Variants in ENTREP2 observed in about 807,000 individuals in gnomAD.
ENTREP2 encodes endosomal transmembrane epsin interactor 2, also known as protein ENTREP2.
chr15:29,333,962 C>T, the ENTREP2 span, among the ~76,000 whole-genome samples: 6 of 151,922 alleles, frequency 3.9e-5, no homozygotes, highest in African/African-American at 1.2e-4. Flanking sequence ...AGGAACGTCA[C>T]GTCACGGATT....
the ENTREP2 span, among the ~76,000 whole-genome samples, chr15:29,362,296 T>C: frequency 6.6e-6 from 1 of 152,024 alleles, no homozygotes; most frequent in Admixed American, 6.6e-5. Flanking sequence ...GAATTCAAGA[T>C]GATGCATTTA....
At chr15:29,532,475 C>G in the ENTREP2 span, among the ~76,000 whole-genome samples, 1 of 152,102 alleles carries the variant, frequency 6.6e-6, no homozygotes, top group Non-Finnish European at 1.5e-5. Context: ...AGACACAAAA[C>G]TGGTGCATCC....
At chr15:29,358,181 T>C in the ENTREP2 span, among the ~76,000 whole-genome samples, 1 of 152,162 alleles carries the variant, frequency 6.6e-6, no homozygotes, top group Non-Finnish European at 1.5e-5. Context: ...ACATGGCCCA[T>C]GCAGCCACTG....
At chr15:29,410,862 T>G in the ENTREP2 span, among the ~76,000 whole-genome samples, 2 of 152,204 alleles carry the variant, frequency 1.3e-5, no homozygotes, top group Admixed American at 1.3e-4. Flanking sequence ...CTCAGCTCAC[T>G]GCAACCTCCG....
chr15:29,226,582 C>T, the ENTREP2 span, among the ~76,000 whole-genome samples: 1 of 152,220 alleles, frequency 6.6e-6, no homozygotes, highest in Admixed American at 6.5e-5. Context: ...GACAGTCCAG[C>T]AGCCCCAGCC....
the ENTREP2 span, among the ~76,000 whole-genome samples, chr15:29,514,596 G>A: frequency 2.6e-5 from 4 of 152,298 alleles, no homozygotes; most frequent in South Asian, 8.3e-4. Flanking sequence ...GTGGTTCCAT[G>A]CCTTTCCTTT....
At chr15:29,335,926 C>G in the ENTREP2 span, among the ~76,000 whole-genome samples, 120,544 of 151,862 alleles carry the variant, frequency 0.79, 48,012 homozygotes, top group Middle Eastern at 0.83. Flanking sequence ...TGGATCACAA[C>G]GTCAGGAGAT....
At chr15:29,324,382 A>G in the ENTREP2 span, among the ~76,000 whole-genome samples, 1 of 152,144 alleles carries the variant, frequency 6.6e-6, no homozygotes, top group Non-Finnish European at 1.5e-5. Context: ...GTGCCCAACC[A>G]TGTAGATATT....
chr15:29,469,027 T>A, the ENTREP2 span, among the ~76,000 whole-genome samples: 1 of 152,130 alleles, frequency 6.6e-6, no homozygotes, highest in Non-Finnish European at 1.5e-5. Flanking sequence ...CGGCTTAGGA[T>A]AAGGCTGGAA....
chr15:29,204,933 T>C, the ENTREP2 span, among the ~76,000 whole-genome samples: 2 of 152,126 alleles, frequency 1.3e-5, no homozygotes, highest in South Asian at 2.1e-4. Context: ...TCCACAACTT[T>C]TTCATCTTTC....
the ENTREP2 span, among the ~76,000 whole-genome samples, chr15:29,334,831 G>T: frequency 8.5e-5 from 13 of 152,166 alleles, no homozygotes; most frequent in African/African-American, 2.9e-4. Context: ...ACACTATGTA[G>T]CAAGTATCAC....
At chr15:29,223,246 A>T in the ENTREP2 span, among the ~76,000 whole-genome samples, 1 of 152,148 alleles carries the variant, frequency 6.6e-6, no homozygotes, top group African/African-American at 2.4e-5. Flanking sequence ...GCTTCTCTTG[A>T]AAAGTTTCGA....
the ENTREP2 span, among the ~76,000 whole-genome samples, chr15:29,143,632 T>C: frequency 6.6e-6 from 1 of 152,172 alleles, no homozygotes; most frequent in Non-Finnish European, 1.5e-5. Context: ...ATTAGTTGAT[T>C]GGGAAAGGGT....
the ENTREP2 span, chr15:29,375,258 T>C: frequency 6.6e-6 from 1 of 152,240 alleles, no homozygotes; most frequent in East Asian, 1.9e-4. Context: ...ATCTGGATGG[T>C]GGGAAAACCC....
At chr15:29,216,012 T>C in the ENTREP2 span, among the ~76,000 whole-genome samples, 2 of 152,136 alleles carry the variant, frequency 1.3e-5, no homozygotes, top group Non-Finnish European at 2.9e-5. Context: ...CCTGAGTACT[T>C]TGGTTTTTTT....
At chr15:29,498,753 T>C in the ENTREP2 span, among the ~76,000 whole-genome samples, 1 of 152,168 alleles carries the variant, frequency 6.6e-6, no homozygotes. Context: ...AGTTAGGTAA[T>C]GAGGTCCCTC....
chr15:29,177,758 G>A, the ENTREP2 span, among the ~76,000 whole-genome samples: 1 of 152,150 alleles, frequency 6.6e-6, no homozygotes, highest in Non-Finnish European at 1.5e-5. Context: ...CGGGCAGTGA[G>A]GCAAGTCAAG....
At chr15:29,375,890 T>A in the ENTREP2 span, 3 of 152,124 alleles carry the variant, frequency 2.0e-5, no homozygotes, top group African/African-American at 7.2e-5. Context: ...GTTTCTCTGA[T>A]TGAGCCGTGA....
At chr15:29,510,792 AGAGT>A in the ENTREP2 span, among the ~76,000 whole-genome samples, 1 of 144,464 alleles carries the variant, frequency 6.9e-6, no homozygotes, top group Admixed American at 7.0e-5. Context: ...CCTCGGCGAC[AGAGT>A]GAGACTCCAT....
Sources: allele counts gnomAD v4.1 joint callset (sites outside exome capture counted in the v4.1 genomes callset), GRCh38; gene constraint gnomAD v4.1.1; transcripts MANE v1.5; gene names NCBI Gene and HGNC (gene_info 2026-07-23, HGNC 2026-07-21).